Variants in BABAM2 observed in about 807,000 individuals in gnomAD.
BABAM2 encodes BRISC and BRCA1-A complex member 2.
BABAM2 carries 31 observed loss-of-function variants against 54.7 expected under a neutral mutation model. That is an observed-to-expected ratio of 0.57 (90% confidence interval 0.43 to 0.77). The LOEUF (loss-of-function observed/expected upper bound fraction) is 0.77. Ranked by LOEUF, BABAM2 falls within the 30% of genes least tolerant of loss-of-function variation. BABAM2 has a pLI of 0.00. For synonymous variants in BABAM2, 167 were observed against 162.9 expected (o/e 1.03, Z -0.19); for missense variants, 364 against 455.8 (o/e 0.80, Z 1.83).
At chr2:28,243,938 T>C (rs112603270) in intron 9 of BABAM2, among the ~76,000 whole-genome samples, 5 of 151,970 alleles carry the variant, frequency 3.3e-5, no homozygotes, top group African/African-American at 1.2e-4. Flanking sequence ...GACATCAGAG[T>C]CCTCCTTGTA....
At chr2:27,970,607 C>A (rs114018175) in intron 3 of BABAM2, among the ~76,000 whole-genome samples, 1 of 152,130 alleles carries the variant, frequency 6.6e-6, no homozygotes, top group African/African-American at 2.4e-5. Flanking sequence ...CCTATAGAAT[C>A]TCAATGCCAT....
intron 3 of BABAM2, among the ~76,000 whole-genome samples, chr2:27,950,379 G>A (rs1159929669): frequency 6.6e-6 from 1 of 152,062 alleles, no homozygotes; most frequent in Non-Finnish European, 1.5e-5. Flanking sequence ...TTAGATTTTG[G>A]CAGATACTTA....
chr2:28,138,978 A>G (rs1178186279), intron 7 of BABAM2, among the ~76,000 whole-genome samples: 3 of 152,170 alleles, frequency 2.0e-5, no homozygotes, highest in Admixed American at 6.5e-5. Context: ...GGAAAACTGC[A>G]TATGACATTG....
At chr2:28,088,549 A>G (rs1256206877) in intron 6 of BABAM2, among the ~76,000 whole-genome samples, 1 of 152,160 alleles carries the variant, frequency 6.6e-6, no homozygotes, top group African/African-American at 2.4e-5. Context: ...CTTTTGTAGG[A>G]CAGGGTGGTT....
chr2:28,254,515 T>TAA (rs11426388), intron 10 of BABAM2, among the ~76,000 whole-genome samples: 8 of 144,554 alleles, frequency 5.5e-5, no homozygotes, highest in Admixed American at 1.4e-4. Context: ...ACCTGTTAAT[T>TAA]AAAAAAAAAA....
At chr2:28,089,229 C>T (rs1005830113) in intron 6 of BABAM2, among the ~76,000 whole-genome samples, 2 of 152,084 alleles carry the variant, frequency 1.3e-5, no homozygotes, top group Non-Finnish European at 2.9e-5. Flanking sequence ...TGGCTGTGAT[C>T]AAACCAACAT....
At chr2:27,965,412 C>T (rs1156239909) in intron 3 of BABAM2, among the ~76,000 whole-genome samples, 1 of 152,148 alleles carries the variant, frequency 6.6e-6, no homozygotes, top group Admixed American at 6.5e-5. Flanking sequence ...CACACAGTTT[C>T]ACAGCTATCA....
At chr2:28,260,102 T>C (rs1684360528) in intron 10 of BABAM2, among the ~76,000 whole-genome samples, 1 of 151,862 alleles carries the variant, frequency 6.6e-6, no homozygotes, top group African/African-American at 2.4e-5. Flanking sequence ...GGTTTCACCA[T>C]TGCCAGGATG....
intron 7 of BABAM2, among the ~76,000 whole-genome samples, chr2:28,158,033 A>G (rs1490453547): frequency 6.6e-6 from 1 of 152,208 alleles, no homozygotes; most frequent in Non-Finnish European, 1.5e-5. Flanking sequence ...CTTTTCTTCT[A>G]TGTGTCAGAA....
intron 7 of BABAM2, among the ~76,000 whole-genome samples, chr2:28,205,174 C>T (rs949359547): frequency 2.0e-5 from 3 of 151,744 alleles, no homozygotes; most frequent in African/African-American, 7.3e-5. Flanking sequence ...GCATTTGTTA[C>T]TGCAGCTTTG....
intron 11 of BABAM2, among the ~76,000 whole-genome samples, chr2:28,330,109 A>G (rs1346812989): frequency 6.6e-6 from 1 of 152,234 alleles, no homozygotes; most frequent in Non-Finnish European, 1.5e-5. Flanking sequence ...AGATGCAGAA[A>G]AGGCCTTCAA....
chr2:28,323,564 G>T (rs1390064091), intron 11 of BABAM2, among the ~76,000 whole-genome samples: 1 of 152,196 alleles, frequency 6.6e-6, no homozygotes. Flanking sequence ...CATCTCTGGG[G>T]TACAGAGAGG....
chr2:27,930,369 T>C (rs1228955250), intron 3 of BABAM2: 1 of 165,536 alleles, frequency 6.0e-6, no homozygotes, highest in Non-Finnish European at 1.3e-5. Context: ...CAAAAACTCT[T>C]GGCATGGCTT....
At chr2:28,184,918 C>T (rs1321103688) in intron 7 of BABAM2, among the ~76,000 whole-genome samples, 1 of 152,126 alleles carries the variant, frequency 6.6e-6, no homozygotes, top group Non-Finnish European at 1.5e-5. Flanking sequence ...AATTAAGTCA[C>T]TTATTTTCTT....
chr2:28,178,094 A>G (rs1179058539), intron 7 of BABAM2, among the ~76,000 whole-genome samples: 4 of 152,164 alleles, frequency 2.6e-5, no homozygotes, highest in Non-Finnish European at 4.4e-5. Context: ...TATTATCTAG[A>G]CAGAAATTAA....
At chr2:28,182,531 C>T (rs1675762302) in intron 7 of BABAM2, among the ~76,000 whole-genome samples, 3 of 152,152 alleles carry the variant, frequency 2.0e-5, no homozygotes. Flanking sequence ...TGTTCAGAGT[C>T]ACACAGCCTA....
chr2:28,125,619 T>A (rs1437966044), intron 6 of BABAM2, among the ~76,000 whole-genome samples: 1 of 152,180 alleles, frequency 6.6e-6, no homozygotes, highest in East Asian at 1.9e-4. Flanking sequence ...GAAAATAATC[T>A]GTCAAATTCT....
intron 6 of BABAM2, among the ~76,000 whole-genome samples, chr2:28,046,836 G>A (rs1487535845): frequency 1.3e-5 from 2 of 151,118 alleles, no homozygotes; most frequent in African/African-American, 2.4e-5. Context: ...AAGCTGGAGT[G>A]TAGTGGTGTG....
At chr2:27,898,607 A>G (rs990706248) in intron 2 of BABAM2, among the ~76,000 whole-genome samples, 6 of 152,242 alleles carry the variant, frequency 3.9e-5, no homozygotes, top group African/African-American at 1.4e-4. Flanking sequence ...TTATTTAACC[A>G]TAAAAAGTAG....
Sources: gnomAD v4.1 joint callset for allele counts (sites outside exome capture counted in the v4.1 genomes callset) on GRCh38, gnomAD v4.1.1 for gene constraint, MANE v1.5 for transcripts, NCBI Gene and HGNC (gene_info 2026-07-23, HGNC 2026-07-21) for gene names.